EXOC6B: variants seen among roughly 807,000 people sequenced by gnomAD.
EXOC6B encodes SEC15 homolog B.
In EXOC6B, 54 loss-of-function variants were observed where a neutral mutation model predicts 113.5. The observed-to-expected ratio is 0.48, with a 90% CI of 0.38 to 0.60. EXOC6B has a LOEUF of 0.60. Ranked by LOEUF, EXOC6B falls within the 20% of genes least tolerant of loss-of-function variation. The probability of loss-of-function intolerance (pLI) is 0.00; values close to 1 mark genes in which losing one functional copy is unlikely to be tolerated. For missense variants in EXOC6B, 797 were observed against 977.5 expected, an observed-to-expected ratio of 0.82 and a Z score of 2.46; for synonymous variants, 357 against 339.0, an observed-to-expected ratio of 1.05 and a Z score of -0.58.
At chr2:72,741,932 C>A (rs904819471) in intron 1 of EXOC6B, among the ~76,000 whole-genome samples, 8 of 152,204 alleles carry the variant, frequency 5.3e-5, no homozygotes, top group African/African-American at 1.9e-4. Flanking sequence ...CTACTACAAC[C>A]ATTCCCCCAT....
At chr2:72,466,739 T>C (rs1485982977) in intron 17 of EXOC6B, among the ~76,000 whole-genome samples, 3 of 152,162 alleles carry the variant, frequency 2.0e-5, no homozygotes, top group African/African-American at 4.8e-5. Context: ...AATGGCTAAA[T>C]TGAGCTAAGT....
At chr2:72,816,787 A>G (rs539750565) in intron 1 of EXOC6B, among the ~76,000 whole-genome samples, 45 of 152,318 alleles carry the variant, frequency 3.0e-4, no homozygotes, top group Non-Finnish European at 1.2e-4. Flanking sequence ...ATTTCTCTCT[A>G]TGGCTACTAA....
At position 72,666,786 on chromosome 2, in the gene EXOC6B, C is replaced by T. The variant is rs546037221; in HGVS notation, c.669+51317G>A. 3.6e-3 allele frequency among the ~76,000 whole-genome samples: 519 copies of T among 146,020 alleles called. 1 individual carries two copies. Among genetic ancestry groups the T allele is most frequent in the Non-Finnish European group, 6.1e-3 (404 of 65,828 alleles). ...TGCAATCCCATTTACAATAGACACA[C>T]ACACACACACACACACACACACACA... On this transcript the variant is annotated intron_variant, in intron 6 of 21. Transcript: ENST00000272427.
At chr2:72,388,280 T>A (rs879629675) in intron 18 of EXOC6B, among the ~76,000 whole-genome samples, 3 of 152,180 alleles carry the variant, frequency 2.0e-5, no homozygotes, top group Non-Finnish European at 4.4e-5. Context: ...TTTTCTAAAT[T>A]TCTTTGTGGT....
intron 20 of EXOC6B, among the ~76,000 whole-genome samples, chr2:72,322,456 A>C (rs1687890238): frequency 6.6e-6 from 1 of 152,292 alleles, no homozygotes; most frequent in African/African-American, 2.4e-5. Flanking sequence ...ACACACAAGA[A>C]GCCTTTTTGG....
chr2:72,427,017 C>G (rs1695235912), intron 18 of EXOC6B, among the ~76,000 whole-genome samples: 1 of 152,240 alleles, frequency 6.6e-6, no homozygotes. Flanking sequence ...ACTCCAGACC[C>G]TGGCTCTGCT....
At position 72,730,579 on chromosome 2, in the gene EXOC6B, GACACACACACAC is replaced by G. The variant is rs3034987; in HGVS notation, c.464+416_464+427del. Among the ~76,000 whole-genome samples the G allele has an allele frequency of 1.8e-3, 253 of 144,496 alleles. 1 individual carries two copies. Among genetic ancestry groups the G allele is most frequent in the African/African-American group, 5.4e-3 (206 of 38,118 alleles). The allele number at this position is 144,496 out of a possible 152,430, so 94.8% of individuals were successfully genotyped here. ...CCTCTCCAGTAGGTAAACAGACAGA[GACACACACACAC>G]ACACACACACACACACACACACACA... On this transcript the variant is annotated intron_variant, in intron 5 of 21. Transcript: ENST00000272427.
chr2:72,256,789 C>T (rs930477531), intron 20 of EXOC6B, among the ~76,000 whole-genome samples: 5 of 152,110 alleles, frequency 3.3e-5, no homozygotes, highest in African/African-American at 9.7e-5. Context: ...TTGGGAATCA[C>T]AGAGCTAGAT....
chr2:72,720,739 G>A (rs922834785), intron 5 of EXOC6B, among the ~76,000 whole-genome samples: 2 of 151,900 alleles, frequency 1.3e-5, no homozygotes, highest in African/African-American at 4.8e-5. Context: ...GGGTAACAGA[G>A]TGAGACCCGT....
rs187148185 is a variant in EXOC6B at position 72,413,212 on chromosome 2, C to T, written c.1981-33342G>A. The stretch of plus-strand genomic sequence containing the variant: ...TCCTGACCTCGTGATCCGCCCACCT[C>T]GGCCTCCCAAAGTGCTGGGATTACA... On this transcript the variant is annotated intron_variant, in intron 18 of 21. Transcript: ENST00000272427. Among the ~76,000 whole-genome samples, 17 of 151,758 alleles carry T rather than the reference C, an allele frequency of 1.1e-4. No individual in the cohort carries two copies. The East Asian group carries it at 3.2e-3, about 28-fold the overall frequency.
At chr2:72,746,045 C>T (rs780800696) in intron 1 of EXOC6B, among the ~76,000 whole-genome samples, 1 of 152,034 alleles carries the variant, frequency 6.6e-6, no homozygotes, top group Non-Finnish European at 1.5e-5. Context: ...AATCTAAAAA[C>T]TATATTCCAT....
intron 19 of EXOC6B, among the ~76,000 whole-genome samples, chr2:72,345,102 T>C (rs1689254556): frequency 6.6e-6 from 1 of 152,008 alleles, no homozygotes; most frequent in Non-Finnish European, 1.5e-5. Context: ...TGAGGATGGG[T>C]AGCTATTAGT....
intron 20 of EXOC6B, among the ~76,000 whole-genome samples, chr2:72,221,483 A>C (rs1680861526): frequency 6.6e-6 from 1 of 152,112 alleles, no homozygotes; most frequent in Non-Finnish European, 1.5e-5. Flanking sequence ...CTGTCCTCCC[A>C]AATCCCCATA....
intron 18 of EXOC6B, among the ~76,000 whole-genome samples, chr2:72,395,653 A>ATT (rs1187572707): frequency 3.3e-5 from 5 of 152,176 alleles, no homozygotes; most frequent in African/African-American, 1.2e-4. Flanking sequence ...TAGGACTAAA[A>ATT]AGGAAGTGAT....
At chr2:72,250,104 C>T (rs1467698172) in intron 20 of EXOC6B, among the ~76,000 whole-genome samples, 1 of 152,154 alleles carries the variant, frequency 6.6e-6, no homozygotes, top group African/African-American at 2.4e-5. Context: ...TCAAGAAAAT[C>T]TTTCATGCAG....
rs1449284731 is a variant in EXOC6B, at chr2:72,496,612, G to A, written c.1338-53C>T. ...AGGGAAGGATAGACAAAGTGGGGGG[G>A]TAGGGGAGGGGAACAGAGGGAAGGT... On this transcript the variant is annotated intron_variant, in intron 13 of 21. Coordinates refer to ENST00000272427, the MANE Select transcript of EXOC6B (RefSeq NM_015189.3). 12 of 945,468 alleles carry A rather than the reference G, an allele frequency of 1.3e-5. No homozygotes were observed. The East Asian group carries it at 2.8e-4, about 22-fold the overall frequency. The allele number at this position is 945,468 out of a possible 1,614,324, so 58.6% of individuals were successfully genotyped here.
chr2:72,569,606 T>G (rs1024766568), intron 7 of EXOC6B, among the ~76,000 whole-genome samples: 10 of 152,198 alleles, frequency 6.6e-5, no homozygotes, highest in Non-Finnish European at 1.2e-4. Context: ...ACAACCAGTA[T>G]GCAAGCTGTT....
chr2:72,692,078 G>A (rs1217727958), intron 6 of EXOC6B, among the ~76,000 whole-genome samples: 1 of 151,956 alleles, frequency 6.6e-6, no homozygotes, highest in East Asian at 1.9e-4. Flanking sequence ...GCTATGTGTT[G>A]ATTGAAAGAA....
chr2:72,606,358 A>G (rs1670753977), intron 6 of EXOC6B, among the ~76,000 whole-genome samples: 1 of 152,180 alleles, frequency 6.6e-6, no homozygotes, highest in Admixed American at 6.5e-5. Flanking sequence ...ACACACACAT[A>G]CAATATTAAA....
Sources: allele counts gnomAD v4.1 joint callset (sites outside exome capture counted in the v4.1 genomes callset), GRCh38; gene constraint gnomAD v4.1.1; transcripts MANE v1.5; gene names NCBI Gene and HGNC (gene_info 2026-07-23, HGNC 2026-07-21).